The following CNTNAP2 variants were observed in gnomAD, a reference collection of about 807,000 sequenced individuals.
CNTNAP2 encodes the protein contactin-associated protein-like 2.
A neutral mutation model predicts 155.2 loss-of-function variants in CNTNAP2; 98 were observed. That is an observed-to-expected ratio of 0.63 (90% CI 0.54 to 0.75). CNTNAP2 has a LOEUF of 0.75. Among genes scored for constraint, CNTNAP2 ranks in the 30% least tolerant of loss-of-function variants. The pLI is 0.00. For missense variants in CNTNAP2, 1,727 were observed against 1,688.1 expected (o/e 1.02, Z -0.40); for synonymous variants, 651 against 631.2 (o/e 1.03, Z -0.47).
At chr7:146,493,112 T>C (rs551289999) in intron 1 of CNTNAP2, among the ~76,000 whole-genome samples, 36 of 152,334 alleles carry the variant, frequency 2.4e-4, no homozygotes, top group Non-Finnish European at 4.6e-4. Context: ...TTACTTTCCT[T>C]GACATGAACT....
At chr7:147,624,706 G>A (rs13438715) in intron 12 of CNTNAP2, among the ~76,000 whole-genome samples, 13,672 of 152,092 alleles carry the variant, frequency 0.09, 1,706 homozygotes, top group African/African-American at 0.26. Flanking sequence ...GAACTTCCTT[G>A]AGAAGCTGAA....
intron 3 of CNTNAP2, among the ~76,000 whole-genome samples, chr7:146,944,674 G>C (rs1797123386): frequency 6.6e-6 from 1 of 151,910 alleles, no homozygotes. Flanking sequence ...GTCATGAGAT[G>C]GAGACCATCC....
intron 15 of CNTNAP2, among the ~76,000 whole-genome samples, chr7:147,999,495 T>G (rs552922408): frequency 9.8e-5 from 15 of 152,350 alleles, no homozygotes; most frequent in African/African-American, 3.6e-4. Context: ...ATCTGTAAAA[T>G]TATTGATGAC....
At chr7:146,883,870 A>C (rs1184763874) in intron 3 of CNTNAP2, among the ~76,000 whole-genome samples, 6 of 152,116 alleles carry the variant, frequency 3.9e-5, no homozygotes, top group Admixed American at 3.9e-4. Context: ...ATGTTAATGT[A>C]AGTTGTTCCA....
intron 18 of CNTNAP2, among the ~76,000 whole-genome samples, chr7:148,215,732 G>C (rs975781889): frequency 6.6e-6 from 1 of 151,978 alleles, no homozygotes; most frequent in Non-Finnish European, 1.5e-5. Context: ...AACCACCTAT[G>C]AGGTCCCATT....
At chr7:147,138,831 A>T (rs1481400528) in intron 8 of CNTNAP2, among the ~76,000 whole-genome samples, 1 of 152,036 alleles carries the variant, frequency 6.6e-6, no homozygotes, top group African/African-American at 2.4e-5. Context: ...TGTTGTGTGT[A>T]TGTGTGTATA....
chr7:146,764,133 A>G (rs934401231), intron 1 of CNTNAP2, among the ~76,000 whole-genome samples: 3 of 152,316 alleles, frequency 2.0e-5, no homozygotes, highest in South Asian at 2.1e-4. Flanking sequence ...ATTACAATTC[A>G]AATGAGCCCA....
intron 20 of CNTNAP2, among the ~76,000 whole-genome samples, chr7:148,263,981 G>C (rs1231225984): frequency 6.6e-6 from 1 of 152,154 alleles, no homozygotes; most frequent in Admixed American, 6.5e-5. Context: ...TGTGGGTCAT[G>C]CCAAACCTGA....
chr7:146,917,209 A>T (rs377482594), intron 3 of CNTNAP2, among the ~76,000 whole-genome samples: 1 of 151,822 alleles, frequency 6.6e-6, no homozygotes, highest in Admixed American at 6.6e-5. Flanking sequence ...GATTTTCTTA[A>T]ATTTGATTTG....
At chr7:147,966,946 C>T (rs984988862) in intron 14 of CNTNAP2, among the ~76,000 whole-genome samples, 6 of 151,652 alleles carry the variant, frequency 4.0e-5, no homozygotes, top group Admixed American at 6.6e-5. Flanking sequence ...TTATAAATAA[C>T]GCTTCAGAAA....
At chr7:147,379,865 C>T (rs1021563570) in intron 9 of CNTNAP2, among the ~76,000 whole-genome samples, 1 of 151,912 alleles carries the variant, frequency 6.6e-6, no homozygotes, top group South Asian at 2.1e-4. Flanking sequence ...TAGTAAATAC[C>T]CTCTGACTAC....
chr7:146,618,709 C>T (rs1260528355), intron 1 of CNTNAP2, among the ~76,000 whole-genome samples: 1 of 152,036 alleles, frequency 6.6e-6, no homozygotes, highest in African/African-American at 2.4e-5. Context: ...GAAAATAATG[C>T]ATAAACGTTA....
chr7:146,279,809 T>A (rs1478894053), intron 1 of CNTNAP2, among the ~76,000 whole-genome samples: 1 of 151,754 alleles, frequency 6.6e-6, no homozygotes, highest in East Asian at 1.9e-4. Flanking sequence ...TGCATAATAA[T>A]TTTTAAAACA....
chr7:147,870,600 A>T (rs1011630921), intron 13 of CNTNAP2, among the ~76,000 whole-genome samples: 11 of 152,216 alleles, frequency 7.2e-5, no homozygotes, highest in African/African-American at 4.8e-5. Flanking sequence ...CTCAACCCCA[A>T]TGCCAAGGCA....
rs556763188 is a variant in CNTNAP2 at position 146,648,832 on chromosome 7, T to C, written c.98-125439T>C. Among the ~76,000 whole-genome samples, 253 of 152,116 alleles carry C rather than the reference T, an allele frequency of 1.7e-3. 1 individual carries two copies. Among genetic ancestry groups the C allele is most frequent in the African/African-American group, 5.9e-3 (246 of 41,518 alleles). On this transcript the variant is annotated intron_variant, in intron 1 of 23. Coordinates refer to ENST00000361727, the MANE Select transcript of CNTNAP2 (RefSeq NM_014141.6). ...TGAAATGATAAAATTATTATTAAAATGGAAATAGAAGAATAGGAATGACTC... is the reference window on the plus strand; with the variant it reads ...TGAAATGATAAAATTATTATTAAAACGGAAATAGAAGAATAGGAATGACTC...
intron 3 of CNTNAP2, among the ~76,000 whole-genome samples, chr7:147,030,888 A>AT (rs1404842424): frequency 1.3e-5 from 2 of 152,160 alleles, no homozygotes; most frequent in African/African-American, 2.4e-5. Context: ...TGCCTCAAAA[A>AT]ATATATATAA....
At chr7:147,060,591 C>T (rs933926155) in intron 4 of CNTNAP2, among the ~76,000 whole-genome samples, 30 of 152,058 alleles carry the variant, frequency 2.0e-4, no homozygotes, top group African/African-American at 6.5e-4. Context: ...GGGCCGGGCG[C>T]GGTGGCTCAC....
intron 19 of CNTNAP2, 60 bp downstream of exon 19, chr7:148,217,584 C>T (rs1430955015): frequency 3.9e-6 from 6 of 1,534,214 alleles, no homozygotes; most frequent in Non-Finnish European, 4.5e-6. Context: ...AATGTTCTAG[C>T]AAGAGTCTAT....
intron 13 of CNTNAP2, among the ~76,000 whole-genome samples, chr7:147,730,632 A>G (rs1314632071): frequency 1.3e-5 from 2 of 152,056 alleles, no homozygotes; most frequent in Non-Finnish European, 2.9e-5. Context: ...CAAAGACACA[A>G]TACTGAACTT....
Sources: gnomAD v4.1 joint callset for allele counts (sites outside exome capture counted in the v4.1 genomes callset) on GRCh38, gnomAD v4.1.1 for gene constraint, MANE v1.5 for transcripts, NCBI Gene and HGNC (gene_info 2026-07-23, HGNC 2026-07-21) for gene names.